The following ACOD1 variants were observed in gnomAD, a reference collection of about 807,000 sequenced individuals.
ACOD1 encodes aconitate decarboxylase 1.
A neutral mutation model predicts 14.2 loss-of-function variants in ACOD1; 14 were observed. The ratio of observed to expected loss-of-function variants is 0.99; its 90% CI spans 0.65 to 1.54. The LOEUF (loss-of-function observed/expected upper bound fraction) is 1.54, where lower values mean the gene tolerates loss of function less well. Ranked by LOEUF, ACOD1 falls within the 40% of genes most tolerant of loss-of-function variation. The pLI, the probability that ACOD1 is intolerant of heterozygous loss-of-function variation, is 0.00. For missense variants in ACOD1, 530 were observed against 586.3 expected, an observed-to-expected ratio of 0.90 and a Z score of 0.99; for synonymous variants, 182 against 221.7, an observed-to-expected ratio of 0.82 and a Z score of 1.59.
At chr13:76,948,855 A>G (rs2033794470) in intron 1 of ACOD1, among the ~76,000 whole-genome samples, 1 of 152,184 alleles carries the variant, frequency 6.6e-6, no homozygotes, top group Non-Finnish European at 1.5e-5. Context: ...GCCAGATTGC[A>G]TTTCTGTTAA....
chr13:76,957,157 C>A lies in ACOD1; in HGVS notation c.618C>A (p.Thr206=), dbSNP rs2033885217. The A allele has an allele frequency of 1.3e-6, 2 of 1,550,542 alleles. No homozygotes were observed. Among genetic ancestry groups the A allele is most frequent in the Admixed American group, 3.9e-5 (2 of 50,998 alleles). The change falls in exon 5 of 5, where the codon ACC becomes ACA. Residue 206 remains threonine, a synonymous_variant. Transcript: ENST00000377462. The part of the protein sequence containing the change: ...GAPMANAATQ[T]KPLHIGNAAK... ...CCATGGCCAATGCTGCCACCCAGAC[C>A]AAGCCCCTCCACATTGGCAATGCTG... is the stretch of plus-strand genomic sequence containing the variant.
In ACOD1 at chr13:76,957,091, C is replaced by A; in HGVS notation, c.552C>A (p.Cys184Ter). The change falls in exon 5 of 5, where the codon TGC (cysteine) becomes TGA (stop). Residue 184 changes from cysteine to a stop codon, truncating the protein, a stop_gained. Transcript: ENST00000377462. LOFTEE classifies it low-confidence loss of function (END_TRUNC). ...TTTTAGGACTTAGCTCGACAAAGTGCCGAGAAGCTCTGGCCATTGCTGTTT... is the reference window on the plus strand; with the variant it reads ...TTTTAGGACTTAGCTCGACAAAGTGACGAGAAGCTCTGGCCATTGCTGTTT... ...SKFLGLSSTK[C>*]REALAIAVSH... is the part of the protein sequence containing the mutation. The A allele has an allele frequency of 6.4e-7, 1 of 1,550,640 alleles. No homozygotes were observed. Among genetic ancestry groups the A allele is most frequent in the Non-Finnish European group, 8.7e-7 (1 of 1,147,010 alleles).
At chr13:76,949,492 C>A (rs1270401431) in intron 1 of ACOD1, among the ~76,000 whole-genome samples, 1 of 152,134 alleles carries the variant, frequency 6.6e-6, no homozygotes, top group Non-Finnish European at 1.5e-5. Flanking sequence ...GCCATGTGTT[C>A]TTTGGCACAC....
chr13:76,955,297 C>T (rs1203334738), intron 3 of ACOD1, 22 bp from the exon 4 acceptor site: 1 of 1,543,438 alleles, frequency 6.5e-7, no homozygotes, highest in African/African-American at 1.4e-5. Flanking sequence ...CTTTTTGTTG[C>T]TGTTTGTGTC....
intron 1 of ACOD1, among the ~76,000 whole-genome samples, chr13:76,951,930 C>T (rs1026525777): frequency 3.3e-5 from 5 of 152,128 alleles, no homozygotes; most frequent in Non-Finnish European, 7.3e-5. Context: ...CACTGATTGT[C>T]GAGTTACACC....
At chr13:76,953,099 C>A (rs1272946857) in intron 2 of ACOD1, among the ~76,000 whole-genome samples, 3 of 152,140 alleles carry the variant, frequency 2.0e-5, no homozygotes, top group Non-Finnish European at 4.4e-5. Context: ...CAAGATCATG[C>A]CACTGCACTC....
At chr13:76,956,228 A>G (rs903197352) in intron 4 of ACOD1, among the ~76,000 whole-genome samples, 11 of 152,178 alleles carry the variant, frequency 7.2e-5, no homozygotes, top group African/African-American at 2.7e-4. Flanking sequence ...TTTGAGATGG[A>G]GTCTCGCTCT....
chr13:76,948,906 T>C (rs1354283449), intron 1 of ACOD1, among the ~76,000 whole-genome samples: 1 of 152,236 alleles, frequency 6.6e-6, no homozygotes, highest in East Asian at 1.9e-4. Flanking sequence ...ATAAGCTTTT[T>C]GAGGCAGGAA....
chr13:76,952,385 T>C, intron 1 of ACOD1, 104 bp from the exon 2 acceptor site: 1 of 958,096 alleles, frequency 1.0e-6, no homozygotes, highest in Non-Finnish European at 1.5e-6. Flanking sequence ...TTTCTTGTAG[T>C]GGAGCAAAAC....
chr13:76,950,583 C>G (rs2033812357), intron 1 of ACOD1, among the ~76,000 whole-genome samples: 1 of 152,164 alleles, frequency 6.6e-6, no homozygotes, highest in Non-Finnish European at 1.5e-5. Flanking sequence ...TCATATTCAA[C>G]AAGTTCACAC....
At chr13:76,950,772 T>A (rs2033814159) in intron 1 of ACOD1, among the ~76,000 whole-genome samples, 1 of 152,216 alleles carries the variant, frequency 6.6e-6, no homozygotes, top group African/African-American at 2.4e-5. Context: ...TTCCAAAACA[T>A]TAGTTCTGAC....
intron 3 of ACOD1, among the ~76,000 whole-genome samples, 179 bp from the exon 4 acceptor site, chr13:76,955,140 A>C (rs1331576901): frequency 2.7e-5 from 4 of 150,416 alleles, no homozygotes; most frequent in African/African-American, 7.3e-5. Context: ...AAAAAAAAAA[A>C]AAAAAAAAAA....
chr13:76,950,556 G>A (rs775780086), intron 1 of ACOD1, among the ~76,000 whole-genome samples: 2 of 152,072 alleles, frequency 1.3e-5, no homozygotes, highest in Non-Finnish European at 2.9e-5. Context: ...TTCTCCAGTG[G>A]GATGAACACA....
At position 76,957,306 on chromosome 13, in the gene ACOD1, G is replaced by A. The variant is rs1208449618; in HGVS notation, c.767G>A (p.Ser256Asn). 2 of 1,550,642 alleles carry A rather than the reference G, an allele frequency of 1.3e-6. No individual in the cohort carries two copies. Among genetic ancestry groups the A allele is most frequent in the East Asian group, 2.4e-5 (1 of 40,928 alleles). Reference sequence around the variant, plus strand: ...AACTATTCCCCAAAAGTCCTTCCAAGCATAGCTTCCTACAGTTGGCTGCTG... The same window carrying A: ...AACTATTCCCCAAAAGTCCTTCCAAACATAGCTTCCTACAGTTGGCTGCTG... ...YANYSPKVLP[S>N]IASYSWLLDQ... Residue 256 changes from serine to asparagine, a missense_variant, in exon 5 of 5, where the codon AGC becomes AAC. Physicochemically the swap from Ser to Asn is conservative, Grantham distance 46 (BLOSUM62 1). Coordinates refer to ENST00000377462, the MANE Select transcript of ACOD1 (RefSeq NM_001258406.2).
In ACOD1 at chr13:76,958,128, G is replaced by A; in HGVS notation, c.*143G>A. On this transcript the variant is annotated 3_prime_UTR_variant, in exon 5 of 5. Coordinates refer to ENST00000377462, the MANE Select transcript of ACOD1 (RefSeq NM_001258406.2). ...AAACAGAACTACATATATCTGGAAG[G>A]AGCCTTCTCCTGAAAATTTTGCAGG... is the stretch of plus-strand genomic sequence containing the variant. 1.3e-6 allele frequency: 1 copy of A among 796,950 alleles called. No individual in the cohort carries two copies. The highest frequency in any genetic ancestry group is 1.9e-6 in the Non-Finnish European group (1 of 539,738). 49.4% of individuals were successfully genotyped at this position (796,950 alleles called of 1,614,324 possible).
intron 2 of ACOD1, among the ~76,000 whole-genome samples, chr13:76,953,177 C>T (rs762432798): frequency 3.9e-5 from 6 of 152,110 alleles, no homozygotes; most frequent in African/African-American, 7.2e-5. Context: ...AAAAAATATG[C>T]TAATAATATC....
Position 76,957,673 on chromosome 13 carries a change from G to C in ACOD1, c.1134G>C (p.Leu378Phe), listed in dbSNP as rs1392912834. The change falls in exon 5 of 5, where the codon TTG becomes TTC. Residue 378 changes from leucine to phenylalanine, a missense_variant. By Grantham distance (22) the Leu-to-Phe change is conservative. Transcript: ENST00000377462. ...KVELEYPPDN[L>F]PSFNILYCEI... is the part of the protein sequence containing the mutation. ...AGCTGGAGTACCCTCCGGACAACTT[G>C]CCAAGCTTCAACATACTGTACTGTG... 1.3e-6 allele frequency: 2 copies of C among 1,550,494 alleles called. No individual in the cohort carries two copies. Among genetic ancestry groups the C allele is most frequent in the East Asian group, 4.9e-5 (2 of 40,934 alleles).
In ACOD1 at chr13:76,957,767, A is replaced by G; in HGVS notation, c.1228A>G (p.Arg410Gly). The G allele has an allele frequency of 6.4e-7, 1 of 1,550,760 alleles. No homozygotes were observed. The highest frequency in any genetic ancestry group is 8.7e-7 in the Non-Finnish European group (1 of 1,147,014). Residue 410 changes from arginine to glycine, a missense_variant, in exon 5 of 5, where the codon AGA (arginine) becomes GGA (glycine). By Grantham distance (125) the Arg-to-Gly change is moderately radical. Transcript: ENST00000377462. Reference sequence around the variant, plus strand: ...CTCTGATACCTTCTATGGGCACTGGAGAAAACCACTGAGCCAGGAGGACCT... The same window carrying G: ...CTCTGATACCTTCTATGGGCACTGGGGAAAACCACTGAGCCAGGAGGACCT... ...DRSDTFYGHW[R>G]KPLSQEDLEE...
rs896942085 is a variant in ACOD1 at position 76,952,155 on chromosome 13, C to T, written c.13-334C>T. Among the ~76,000 whole-genome samples, 7 of 152,086 alleles carry T rather than the reference C, an allele frequency of 4.6e-5. No individual in the cohort carries two copies. The East Asian group carries it at 5.8e-4, about 13-fold the overall frequency. Reference sequence around the variant, plus strand: ...CCCGCAGAAATCTCTATCACACAGACGAGGTGTCCCTTGCATCCTCCTCCC... The same window carrying T: ...CCCGCAGAAATCTCTATCACACAGATGAGGTGTCCCTTGCATCCTCCTCCC... On this transcript the variant is annotated intron_variant, in intron 1 of 4. Transcript: ENST00000377462.
Sources: allele counts gnomAD v4.1 joint callset (sites outside exome capture counted in the v4.1 genomes callset), GRCh38; gene constraint gnomAD v4.1.1; transcripts MANE v1.5; gene names NCBI Gene and HGNC (gene_info 2026-07-23, HGNC 2026-07-21).